The following RBFOX3 variants were observed in gnomAD, a reference collection of about 807,000 sequenced individuals.
RBFOX3 encodes RNA binding fox-1 homolog 3.
Under a neutral mutation model 48.7 loss-of-function variants are expected in RBFOX3, and 17 were observed. That is an observed-to-expected ratio of 0.35 (90% CI 0.24 to 0.52). The LOEUF is 0.52. RBFOX3 is among the 20% of genes least tolerant of loss of function. The pLI is 0.94. For synonymous variants in RBFOX3, 212 were observed against 209.5 expected, an observed-to-expected ratio of 1.01 and a Z score of -0.10; for missense variants, 382 against 497.5, an observed-to-expected ratio of 0.77 and a Z score of 2.21.
At chr17:79,137,196 C>T (rs145639581) in intron 4 of RBFOX3, among the ~76,000 whole-genome samples, 3 of 152,122 alleles carry the variant, frequency 2.0e-5, no homozygotes, top group Non-Finnish European at 4.4e-5. Context: ...TGTGCACACA[C>T]GCAGGCCTCG....
chr17:79,299,021 A>G lies in RBFOX3; in HGVS notation c.-74+8703T>C, dbSNP rs770810443. On this transcript the variant is annotated intron_variant, in intron 3 of 14. Transcript: ENST00000693108. The surrounding 1 kb of genome is among the most constrained non-coding windows in gnomAD (Gnocchi z 4.5). Reference sequence around the variant, plus strand: ...GGAGGCGGGAGGGCGCGAGTCTGTAACTGGAGAGGTTTGTTTGGATTCAGC... The same window carrying G: ...GGAGGCGGGAGGGCGCGAGTCTGTAGCTGGAGAGGTTTGTTTGGATTCAGC... Among the ~76,000 whole-genome samples, 1 of 152,192 alleles carries G rather than the reference A, an allele frequency of 6.6e-6. No individual in the cohort carries two copies. Among genetic ancestry groups the G allele is most frequent in the East Asian group, 1.9e-4 (1 of 5,196 alleles).
chr17:79,379,557 A>G (rs1411889976), intron 2 of RBFOX3, among the ~76,000 whole-genome samples: 1 of 152,102 alleles, frequency 6.6e-6, no homozygotes, highest in African/African-American at 2.4e-5. Context: ...TTAACCAGAG[A>G]GAATTACACC....
chr17:79,283,265 C>CTTTTTTT (rs11307023), intron 3 of RBFOX3, among the ~76,000 whole-genome samples: 1 of 114,586 alleles, frequency 8.7e-6, no homozygotes, highest in African/African-American at 3.3e-5. Flanking sequence ...TGTTCCTTTT[C>CTTTTTTT]TTTTTTTTTT....
At chr17:79,459,534 T>C (rs1284188775) in intron 2 of RBFOX3, among the ~76,000 whole-genome samples, 1 of 152,128 alleles carries the variant, frequency 6.6e-6, no homozygotes, top group African/African-American at 2.4e-5. Flanking sequence ...TACTCCAGGC[T>C]GCAGGACACC....
chr17:79,505,560 G>T (rs814738), intron 1 of RBFOX3, among the ~76,000 whole-genome samples: 2 of 152,138 alleles, frequency 1.3e-5, no homozygotes, highest in Admixed American at 6.5e-5. Context: ...AGATACTGAT[G>T]GCGGAGTCTG....
chr17:79,330,475 T>C (rs536511282), intron 2 of RBFOX3, among the ~76,000 whole-genome samples: 62 of 152,140 alleles, frequency 4.1e-4, no homozygotes, highest in African/African-American at 1.5e-3. Context: ...CTTTTCACGC[T>C]GCAGAATCTT....
intron 2 of RBFOX3, among the ~76,000 whole-genome samples, chr17:79,452,849 A>G (rs1013568500): frequency 2.0e-5 from 3 of 152,116 alleles, no homozygotes; most frequent in Non-Finnish European, 2.9e-5. Flanking sequence ...GGGAAGAAAC[A>G]CCCTTGGCAG....
chr17:79,169,277 T>G (rs1206158707), intron 4 of RBFOX3, among the ~76,000 whole-genome samples: 1 of 152,026 alleles, frequency 6.6e-6, no homozygotes, highest in East Asian at 1.9e-4. Context: ...GGGTTTTTCT[T>G]TTTCACACAC....
At chr17:79,475,325 C>T (rs2077576165) in intron 2 of RBFOX3, among the ~76,000 whole-genome samples, 1 of 152,166 alleles carries the variant, frequency 6.6e-6, no homozygotes, top group African/African-American at 2.4e-5. Flanking sequence ...ACCTTCTTAT[C>T]ATTGTCTTAA....
Position 79,096,720 on chromosome 17 carries a change from G to C in RBFOX3, c.869C>G (p.Pro290Arg). 6.4e-7 allele frequency: 1 copy of C among 1,550,972 alleles called. No individual in the cohort carries two copies. Among genetic ancestry groups the C allele is most frequent in the East Asian group, 2.4e-5 (1 of 40,894 alleles). The change falls in exon 12 of 15, where the codon CCA becomes CGA. Residue 290 changes from proline (P) to arginine (R), a missense_variant. Physicochemically the swap from Pro to Arg is moderately radical, Grantham distance 103. This residue lies in a region of RBFOX3 where 215 missense variants were observed against 254.8 expected (regional missense o/e 0.84). Coordinates refer to ENST00000693108, the MANE Select transcript of RBFOX3 (RefSeq NM_001350451.2). ...GGAAGCAAACGGACAAGAAAGTGGT[G>C]GGAACGCTGGAGAGGTGGGGTAGGC... ...EPAYPTSPAF[P>R]PLSCPFASRV...
chr17:79,530,803 G>A (rs1272942399), intron 1 of RBFOX3, among the ~76,000 whole-genome samples: 187 of 152,338 alleles, frequency 1.2e-3, no homozygotes, highest in East Asian at 7.7e-4. Flanking sequence ...CGGAGCCTCC[G>A]GGAGCTTCCA....
At chr17:79,148,392 C>T (rs544573056) in intron 4 of RBFOX3, among the ~76,000 whole-genome samples, 1 of 152,338 alleles carries the variant, frequency 6.6e-6, no homozygotes, top group East Asian at 1.9e-4. Context: ...TGCCCCACTG[C>T]TGGGGCCTGG....
intron 2 of RBFOX3, among the ~76,000 whole-genome samples, chr17:79,342,189 C>A (rs898861720): frequency 1.3e-5 from 2 of 152,186 alleles, no homozygotes; most frequent in Non-Finnish European, 2.9e-5. Context: ...ATTTATGGGG[C>A]CCTTGTTGGG....
At chr17:79,152,368 A>C (rs1164212521) in intron 4 of RBFOX3, among the ~76,000 whole-genome samples, 1 of 151,974 alleles carries the variant, frequency 6.6e-6, no homozygotes, top group African/African-American at 2.4e-5. Context: ...GAGAAATCAA[A>C]GCACTGTGCC....
chr17:79,091,620 C>G (rs889095286), intron 14 of RBFOX3, among the ~76,000 whole-genome samples: 3 of 152,220 alleles, frequency 2.0e-5, no homozygotes, highest in Non-Finnish European at 4.4e-5. Flanking sequence ...GACCGGCCTG[C>G]GCTCAGGGGA....
At chr17:79,420,484 C>A (rs193290568) in intron 2 of RBFOX3, among the ~76,000 whole-genome samples, 1 of 152,278 alleles carries the variant, frequency 6.6e-6, no homozygotes, top group East Asian at 1.9e-4. Flanking sequence ...CTGCTAGAGT[C>A]CCCTGGGACC....
At chr17:79,610,601 C>T (rs386829738) in intron 1 of RBFOX3, among the ~76,000 whole-genome samples, 6,095 of 152,050 alleles carry the variant, frequency 0.04, 341 homozygotes, top group East Asian at 0.27. Flanking sequence ...GTCCAGACCC[C>T]AGCCCCGGAG....
chr17:79,542,222 G>T lies in RBFOX3; in HGVS notation c.-319-59624C>A, dbSNP rs935044993. Among the ~76,000 whole-genome samples, 47 of 152,280 alleles carry T rather than the reference G, an allele frequency of 3.1e-4. 1 individual carries two copies. Among genetic ancestry groups the T allele is most frequent in the African/African-American group, 1.1e-3 (46 of 41,548 alleles). On this transcript the variant is annotated intron_variant, in intron 1 of 14. Coordinates refer to ENST00000693108, the MANE Select transcript of RBFOX3 (RefSeq NM_001350451.2). ...ACCCTGGCGGTGTCTAACTGGGGCA[G>T]ACTCGAATTCAGACAGCTCAGGGGT... is the stretch of plus-strand genomic sequence containing the variant.
At chr17:79,422,913 G>A (rs2066691078) in intron 2 of RBFOX3, among the ~76,000 whole-genome samples, 1 of 152,112 alleles carries the variant, frequency 6.6e-6, no homozygotes, top group Non-Finnish European at 1.5e-5. Flanking sequence ...TCCTCTCCCT[G>A]TCTCCCTCTC....
Sources: gnomAD v4.1 joint callset for allele counts (sites outside exome capture counted in the v4.1 genomes callset) on GRCh38, gnomAD v4.1.1 for gene constraint, gnomAD v4.1.1 regional missense constraint, Gnocchi (gnomAD v3.1) non-coding constraint, MANE v1.5 for transcripts, NCBI Gene and HGNC (gene_info 2026-07-23, HGNC 2026-07-21) for gene names.